SUPT3H: variants seen among roughly 807,000 people sequenced by gnomAD.
SUPT3H encodes the protein SPT3 homolog, SAGA and STAGA complex component.
A neutral mutation model predicts 44.3 loss-of-function variants in SUPT3H; 44 were observed. That is an observed-to-expected ratio of 0.99 (90% confidence interval 0.78 to 1.28). The LOEUF is 1.28. Ranked by LOEUF, SUPT3H falls within the 50% of genes most tolerant of loss-of-function variation. The probability of loss-of-function intolerance (pLI) is 0.00; values close to 1 mark genes in which losing one functional copy is unlikely to be tolerated. For missense variants in SUPT3H, 380 were observed against 387.1 expected (o/e 0.98, Z 0.15); for synonymous variants, 124 against 125.6 (o/e 0.99, Z 0.09).
intron 3 of SUPT3H, among the ~76,000 whole-genome samples, chr6:45,023,460 A>G (rs1019965760): frequency 3.9e-5 from 6 of 152,176 alleles, no homozygotes; most frequent in African/African-American, 1.4e-4. Context: ...TCATTCTACC[A>G]TAAAGACACA....
intron 2 of SUPT3H, among the ~76,000 whole-genome samples, chr6:45,350,577 G>C (rs541079617): frequency 6.6e-6 from 1 of 152,280 alleles, no homozygotes; most frequent in East Asian, 1.9e-4. Context: ...TAAATGTTGA[G>C]AGTAGAAATG....
At chr6:44,880,073 G>A (rs993969523) in intron 10 of SUPT3H, among the ~76,000 whole-genome samples, 2 of 152,086 alleles carry the variant, frequency 1.3e-5, no homozygotes, top group Non-Finnish European at 2.9e-5. Flanking sequence ...GATGGAGAAT[G>A]AGTTTGACGA....
intron 2 of SUPT3H, among the ~76,000 whole-genome samples, chr6:45,351,127 C>T (rs147132843): frequency 2.6e-5 from 4 of 152,262 alleles, no homozygotes; most frequent in East Asian, 1.9e-4. Flanking sequence ...ATGCCTTCCA[C>T]GAAACTGGTC....
intron 5 of SUPT3H, among the ~76,000 whole-genome samples, chr6:45,006,732 T>C (rs1008621670): frequency 6.6e-6 from 1 of 152,120 alleles, no homozygotes; most frequent in African/African-American, 2.4e-5. Flanking sequence ...AAATTTTTAC[T>C]TCACCCCTTC....
intron 2 of SUPT3H, among the ~76,000 whole-genome samples, chr6:45,172,637 G>C (rs1242497020): frequency 4.6e-5 from 7 of 151,006 alleles, no homozygotes; most frequent in Non-Finnish European, 1.5e-5. Context: ...TGTTGCCCAG[G>C]CTGGAGTGCA....
At chr6:45,202,375 AAAG>A (rs1199031830) in intron 2 of SUPT3H, among the ~76,000 whole-genome samples, 2 of 151,990 alleles carry the variant, frequency 1.3e-5, no homozygotes, top group Admixed American at 6.6e-5. Flanking sequence ...AGTATAAAAG[AAAG>A]AAGAGCAGAA....
intron 11 of SUPT3H, among the ~76,000 whole-genome samples, chr6:44,812,665 C>T (rs1404424386): frequency 1.3e-5 from 2 of 152,116 alleles, no homozygotes; most frequent in African/African-American, 4.8e-5. Flanking sequence ...TCCAGTGTGG[C>T]CAGGACTTGA....
rs139037868 is a variant in SUPT3H, at chr6:45,013,786, T to C, written c.364+1015A>G. On this transcript the variant is annotated intron_variant, in intron 5 of 10. Transcript: ENST00000371459. ...CCTCTTGCCCCTTCTGGGGTAAAAT[T>C]GTTGCCCTAGAATAAGAACTGGAGG... Among the ~76,000 whole-genome samples the C allele has an allele frequency of 3.4e-3, 513 of 152,114 alleles. 2 individuals carry two copies. The highest frequency in any genetic ancestry group is 0.014 in the Middle Eastern group (4 of 292).
chr6:45,273,009 G>A (rs1458247834), intron 2 of SUPT3H, among the ~76,000 whole-genome samples: 1 of 152,120 alleles, frequency 6.6e-6, no homozygotes, highest in Non-Finnish European at 1.5e-5. Context: ...ACAATTCTTT[G>A]AAGAAATGCT....
intron 2 of SUPT3H, among the ~76,000 whole-genome samples, chr6:45,298,531 T>C (rs1038062914): frequency 2.0e-5 from 3 of 152,044 alleles, no homozygotes; most frequent in Non-Finnish European, 2.9e-5. Flanking sequence ...CTTTTTTTTT[T>C]TTTGAGATGG....
intron 2 of SUPT3H, among the ~76,000 whole-genome samples, chr6:45,331,858 G>A (rs371627897): frequency 6.6e-6 from 1 of 151,830 alleles, no homozygotes; most frequent in Non-Finnish European, 1.5e-5. Flanking sequence ...GCTAACAACT[G>A]ATAGTTTGAC....
At chr6:45,137,659 G>C (rs1343374977) in intron 2 of SUPT3H, among the ~76,000 whole-genome samples, 3 of 151,546 alleles carry the variant, frequency 2.0e-5, no homozygotes, top group Non-Finnish European at 4.4e-5. Context: ...AATAATGAAT[G>C]AACAGAGAAA....
chr6:44,890,850 T>C (rs1257806345), intron 10 of SUPT3H, among the ~76,000 whole-genome samples: 1 of 151,730 alleles, frequency 6.6e-6, no homozygotes, highest in Non-Finnish European at 1.5e-5. Context: ...TGCAGGGACA[T>C]GGATGAAGCT....
intron 10 of SUPT3H, among the ~76,000 whole-genome samples, chr6:44,868,803 C>T (rs1775910385): frequency 6.6e-6 from 1 of 152,176 alleles, no homozygotes; most frequent in African/African-American, 2.4e-5. Context: ...CTTGTCAACT[C>T]ATCTTGGATT....
At chr6:45,300,279 C>CATCT (rs1159894159) in intron 2 of SUPT3H, among the ~76,000 whole-genome samples, 3 of 152,162 alleles carry the variant, frequency 2.0e-5, no homozygotes, top group African/African-American at 7.2e-5. Flanking sequence ...CAAGTAAAGG[C>CATCT]ATCTATACAG....
At position 44,809,920 on chromosome 6, in the gene SUPT3H, G is replaced by T. The variant is rs532551823; in HGVS notation, c.*53-419C>A. Among the ~76,000 whole-genome samples, 388 of 152,314 alleles carry T rather than the reference G, an allele frequency of 2.5e-3. 2 individuals are homozygous for T. Among genetic ancestry groups the T allele is most frequent in the African/African-American group, 7.4e-3 (308 of 41,570 alleles). ...AGGGCAGGGAGAATTTAGGATCCAA[G>T]TTACTCATCAGGCAAGAGTTACGAA... is the stretch of plus-strand genomic sequence containing the variant. On this transcript the variant is annotated intron_variant and NMD_transcript_variant, in intron 11 of 11. Coordinates refer to the SUPT3H transcript ENST00000475057.
intron 2 of SUPT3H, among the ~76,000 whole-genome samples, chr6:45,152,360 T>G (rs1178823814): frequency 6.6e-6 from 1 of 152,126 alleles, no homozygotes; most frequent in Non-Finnish European, 1.5e-5. Flanking sequence ...TTTTCACATC[T>G]CCAACTGCTA....
chr6:44,956,603 T>C (rs892074202), intron 7 of SUPT3H, among the ~76,000 whole-genome samples: 1 of 152,070 alleles, frequency 6.6e-6, no homozygotes, highest in Non-Finnish European at 1.5e-5. Context: ...GTTACATTTT[T>C]TCCGGTTATG....
intron 2 of SUPT3H, chr6:45,328,709 A>G (rs1786852984): frequency 1.2e-6 from 2 of 1,605,284 alleles, no homozygotes; most frequent in South Asian, 1.1e-5. Flanking sequence ...GTTCTATCTG[A>G]AAAAAAAAGG....
Sources: allele counts gnomAD v4.1 joint callset (sites outside exome capture counted in the v4.1 genomes callset), GRCh38; gene constraint gnomAD v4.1.1; transcripts MANE v1.5; gene names NCBI Gene and HGNC (gene_info 2026-07-23, HGNC 2026-07-21).